TMEM182: variants seen among roughly 807,000 people sequenced by gnomAD.
TMEM182 encodes the protein transmembrane protein 182.
In TMEM182, 20 loss-of-function variants were observed where a neutral mutation model predicts 26.8. That is an observed-to-expected ratio of 0.75 (90% CI 0.53 to 1.09). TMEM182 has a LOEUF of 1.09. Ranked by LOEUF, TMEM182 falls within the 50% of genes least tolerant of loss-of-function variation. The probability of loss-of-function intolerance (pLI) is 0.00; values close to 1 mark genes in which losing one functional copy is unlikely to be tolerated. For missense variants in TMEM182, 277 were observed against 275.5 expected, an observed-to-expected ratio of 1.01 and a Z score of -0.04; for synonymous variants, 109 against 102.2, an observed-to-expected ratio of 1.07 and a Z score of -0.40.
chr2:102,738,754 C>G (rs1406657424), intron 1 of TMEM182, among the ~76,000 whole-genome samples: 2 of 152,060 alleles, frequency 1.3e-5, no homozygotes, highest in Non-Finnish European at 2.9e-5. Context: ...ACAACATATA[C>G]CGATGTAATA....
At chr2:102,834,633 C>T (rs1169323142) in intron 3 of TMEM182, among the ~76,000 whole-genome samples, 3 of 152,214 alleles carry the variant, frequency 2.0e-5, no homozygotes, top group Admixed American at 6.5e-5. Flanking sequence ...ATGGCTGTGA[C>T]AGTGCAGAGT....
upstream of TMEM182, chr2:102,757,344 G>A (rs1239051552): frequency 6.6e-6 from 1 of 152,088 alleles, no homozygotes; most frequent in East Asian, 1.9e-4. Context: ...ATAAATTATT[G>A]TGAGTTGCCT....
chr2:102,831,870 C>A (rs977235880), intron 3 of TMEM182, among the ~76,000 whole-genome samples: 2 of 152,162 alleles, frequency 1.3e-5, no homozygotes, highest in Non-Finnish European at 2.9e-5. Context: ...ACTTGGGACA[C>A]CCAACCACCA....
At chr2:102,842,055 A>G (rs1473674635) in intron 3 of TMEM182, among the ~76,000 whole-genome samples, 1 of 152,168 alleles carries the variant, frequency 6.6e-6, no homozygotes, top group African/African-American at 2.4e-5. Context: ...TTTTAATATC[A>G]TTTTGAATAC....
downstream of TMEM182, among the ~76,000 whole-genome samples, chr2:102,819,256 A>G (rs570236772): frequency 6.6e-6 from 1 of 152,354 alleles, no homozygotes; most frequent in South Asian, 2.1e-4. Flanking sequence ...ACCTAAATGA[A>G]CAGATATTTA....
intron 1 of TMEM182, among the ~76,000 whole-genome samples, chr2:102,748,411 G>A (rs1384143279): frequency 1.3e-5 from 2 of 152,200 alleles, no homozygotes; most frequent in East Asian, 3.8e-4. Flanking sequence ...ATTTGATAAA[G>A]CGTATGTTTT....
At position 102,762,118 on chromosome 2, in the gene TMEM182, T is replaced by C; in HGVS notation, c.-100T>C. 1.9e-6 allele frequency: 2 copies of C among 1,053,298 alleles called. No homozygotes were observed. Among genetic ancestry groups the C allele is most frequent in the Non-Finnish European group, 2.7e-6 (2 of 747,988 alleles). 65.2% of individuals were successfully genotyped at this position (1,053,298 alleles called of 1,614,324 possible). Reference sequence around the variant, plus strand: ...GAAGATTCTGCCAACTCAAAAATATTATTCTTTTTTTTTTTTTTTTGCTGT... The same window carrying C: ...GAAGATTCTGCCAACTCAAAAATATCATTCTTTTTTTTTTTTTTTTGCTGT... On this transcript the variant is annotated 5_prime_UTR_variant, in exon 1 of 5. Coordinates refer to ENST00000412401, the MANE Select transcript of TMEM182 (RefSeq NM_144632.5).
rs566156576 is a variant in TMEM182, at chr2:102,811,530, T to A, written c.470-3218T>A. Among the ~76,000 whole-genome samples, 4 of 152,330 alleles carry A rather than the reference T, an allele frequency of 2.6e-5. No individual in the cohort carries two copies. The South Asian group carries it at 8.3e-4, about 32-fold the overall frequency. The stretch of plus-strand genomic sequence containing the variant: ...ATTTAGCATTCATTTTTATTTCTTC[T>A]CCGAATTATTTTTAAGTGATTGTCA... On this transcript the variant is annotated intron_variant, in intron 4 of 4. Coordinates refer to ENST00000412401, the MANE Select transcript of TMEM182 (RefSeq NM_144632.5).
intron 4 of TMEM182, among the ~76,000 whole-genome samples, chr2:102,807,085 C>G (rs1327509372): frequency 6.6e-6 from 1 of 152,150 alleles, no homozygotes; most frequent in Non-Finnish European, 1.5e-5. Flanking sequence ...GTACAGAGCA[C>G]TGGGTATGTA....
At chr2:102,824,356 C>T (rs1471583380) in intron 3 of TMEM182, among the ~76,000 whole-genome samples, 1 of 152,196 alleles carries the variant, frequency 6.6e-6, no homozygotes, top group Admixed American at 6.5e-5. Flanking sequence ...GCCCAAATCT[C>T]ATGTCGAATC....
chr2:102,839,447 C>CTATATATATATATATATATA lies in TMEM182; in HGVS notation c.326-3960_326-3941dup, dbSNP rs10691405. ...TTATGGAGTACATTGTGATGTTTTGCTATATATATATATATATATATATAA... is the reference window on the plus strand; with the variant it reads ...TTATGGAGTACATTGTGATGTTTTGCTATATATATATATATATATATATATATATATATATATATATATAA... On this transcript the variant is annotated intron_variant, in intron 3 of 3. Transcript: ENST00000486293. Among the ~76,000 whole-genome samples the CTATATATATATATATATATA allele has an allele frequency of 1.9e-3, 257 of 134,294 alleles. 3 individuals are homozygous for CTATATATATATATATATATA. The highest frequency in any genetic ancestry group is 6.2e-3 in the African/African-American group (221 of 35,624). The allele number at this position is 134,294 out of a possible 152,430, so 88.1% of individuals were successfully genotyped here. A position where few individuals can be genotyped will look rare whatever the true frequency, so the allele number is the denominator to read the frequency against.
chr2:102,797,049 A>G (rs971050553), intron 3 of TMEM182, among the ~76,000 whole-genome samples: 4 of 152,210 alleles, frequency 2.6e-5, no homozygotes, highest in Non-Finnish European at 5.9e-5. Flanking sequence ...TCCAACTCAA[A>G]AATGATCGTT....
At chr2:102,783,503 A>G (rs1254827574) in intron 3 of TMEM182, among the ~76,000 whole-genome samples, 1 of 152,166 alleles carries the variant, frequency 6.6e-6, no homozygotes, top group Non-Finnish European at 1.5e-5. Flanking sequence ...CAGGTCAGTG[A>G]GGACAACTCA....
chr2:102,826,468 A>G (rs1683032952), intron 3 of TMEM182, among the ~76,000 whole-genome samples: 1 of 152,044 alleles, frequency 6.6e-6, no homozygotes, highest in Non-Finnish European at 1.5e-5. Context: ...GTAAAGTTCC[A>G]ATGCCTCAGT....
intron 3 of TMEM182, among the ~76,000 whole-genome samples, chr2:102,792,041 T>TACACACAC (rs34305726): frequency 7.5e-5 from 11 of 147,156 alleles, no homozygotes; most frequent in East Asian, 2.0e-4. Context: ...TATGTGTGTA[T>TACACACAC]ACACACACAC....
intron 4 of TMEM182, among the ~76,000 whole-genome samples, chr2:102,810,050 A>G (rs1682493364): frequency 6.6e-6 from 1 of 152,202 alleles, no homozygotes; most frequent in East Asian, 1.9e-4. Context: ...GTGAAAGCCC[A>G]TTTAAAGGCA....
intron 4 of TMEM182, among the ~76,000 whole-genome samples, chr2:102,798,850 A>T (rs1439934825): frequency 6.6e-6 from 1 of 152,130 alleles, no homozygotes; most frequent in Non-Finnish European, 1.5e-5. Context: ...AAAAAAAAAA[A>T]TAATTAATTA....
At chr2:102,787,156 A>G (rs1258967707) in intron 3 of TMEM182, among the ~76,000 whole-genome samples, 2 of 152,190 alleles carry the variant, frequency 1.3e-5, no homozygotes, top group Non-Finnish European at 2.9e-5. Flanking sequence ...CCTTTAAGGA[A>G]GGAAGGATGC....
intron 3 of TMEM182, among the ~76,000 whole-genome samples, chr2:102,831,008 C>T (rs1260988050): frequency 2.6e-5 from 4 of 152,212 alleles, no homozygotes; most frequent in Admixed American, 1.3e-4. Context: ...TGATCCAGTT[C>T]CATCCATGTT....
Sources: gnomAD v4.1 joint callset for allele counts (sites outside exome capture counted in the v4.1 genomes callset) on GRCh38, gnomAD v4.1.1 for gene constraint, MANE v1.5 for transcripts, NCBI Gene and HGNC (gene_info 2026-07-23, HGNC 2026-07-21) for gene names.